CDH12: variants seen among roughly 807,000 people sequenced by gnomAD.
CDH12 encodes the protein cadherin-12.
Under a neutral mutation model 74.1 loss-of-function variants are expected in CDH12, and 41 were observed. That is an observed-to-expected ratio of 0.55 (90% CI 0.43 to 0.72). The LOEUF (loss-of-function observed/expected upper bound fraction) is 0.72. Among genes scored for constraint, CDH12 ranks in the 30% least tolerant of loss-of-function variants. The pLI is 0.00. For synonymous variants in CDH12, 399 were observed against 355.0 expected, an observed-to-expected ratio of 1.12 and a Z score of -1.39; for missense variants, 945 against 977.2, an observed-to-expected ratio of 0.97 and a Z score of 0.44.
intron 1 of CDH12, among the ~76,000 whole-genome samples, chr5:22,734,043 C>A (rs1415392143): frequency 6.6e-6 from 1 of 151,880 alleles, no homozygotes; most frequent in African/African-American, 2.4e-5. Context: ...TGGTATCTTG[C>A]CCCCTATGTC....
intron 13 of CDH12, among the ~76,000 whole-genome samples, chr5:21,758,437 T>TATC (rs371395573): frequency 2.1e-3 from 316 of 152,320 alleles, no homozygotes; most frequent in African/African-American, 7.3e-3. Flanking sequence ...CCTCTGATTC[T>TATC]ATCATCATCA....
chr5:22,174,228 T>C (rs138366556), intron 4 of CDH12, among the ~76,000 whole-genome samples: 8,514 of 152,006 alleles, frequency 0.056, 256 homozygotes, highest in Non-Finnish European at 0.062. Context: ...TTCATTACAC[T>C]AAACACATGC....
chr5:22,405,566 C>A (rs1042086759), intron 2 of CDH12, among the ~76,000 whole-genome samples: 1 of 152,160 alleles, frequency 6.6e-6, no homozygotes, highest in Non-Finnish European at 1.5e-5. Flanking sequence ...AAAAAGCCCA[C>A]ATCCTAATCA....
intron 2 of CDH12, among the ~76,000 whole-genome samples, chr5:22,477,428 T>A (rs115783671): frequency 6.6e-6 from 1 of 152,182 alleles, no homozygotes; most frequent in African/African-American, 2.4e-5. Context: ...CATTTTCTTT[T>A]ATGGCTGCGT....
chr5:22,294,093 T>C (rs1365668825), intron 3 of CDH12, among the ~76,000 whole-genome samples: 1 of 152,090 alleles, frequency 6.6e-6, no homozygotes. Context: ...CAAATACATA[T>C]AATTTTGTCA....
chr5:21,874,891 A>G (rs1433864394), intron 6 of CDH12, among the ~76,000 whole-genome samples: 1 of 152,140 alleles, frequency 6.6e-6, no homozygotes, highest in Non-Finnish European at 1.5e-5. Flanking sequence ...GCATGGCCCA[A>G]AGTTTCATTC....
At chr5:21,926,687 A>C (rs745310755) in intron 6 of CDH12, among the ~76,000 whole-genome samples, 2 of 152,194 alleles carry the variant, frequency 1.3e-5, no homozygotes, top group Non-Finnish European at 2.9e-5. Flanking sequence ...AGGAAGGAGG[A>C]AAGAAAAAGA....
At chr5:22,757,560 T>C (rs1745991963) in intron 1 of CDH12, among the ~76,000 whole-genome samples, 1 of 152,178 alleles carries the variant, frequency 6.6e-6, no homozygotes, top group South Asian at 2.1e-4. Flanking sequence ...TATTCAGATG[T>C]TTTCATTAAA....
chr5:22,715,544 T>C (rs1580919253), intron 1 of CDH12, among the ~76,000 whole-genome samples: 2 of 152,140 alleles, frequency 1.3e-5, no homozygotes, highest in East Asian at 3.9e-4. Flanking sequence ...AGCAAATACA[T>C]AGAAATACAT....
At chr5:22,262,478 G>T (rs1161694687) in intron 3 of CDH12, among the ~76,000 whole-genome samples, 1 of 151,636 alleles carries the variant, frequency 6.6e-6, no homozygotes, top group Non-Finnish European at 1.5e-5. Context: ...GTATTCCATG[G>T]TGTATATGTG....
intron 4 of CDH12, among the ~76,000 whole-genome samples, chr5:22,113,663 AG>A (rs1371089926): frequency 1.3e-5 from 2 of 152,112 alleles, no homozygotes; most frequent in Admixed American, 6.6e-5. Context: ...GGACTTCCTG[AG>A]GGCTGTGTCA....
chr5:21,974,697 T>G (rs1302697307), intron 6 of CDH12, among the ~76,000 whole-genome samples: 1 of 152,204 alleles, frequency 6.6e-6, no homozygotes, highest in Non-Finnish European at 1.5e-5. Flanking sequence ...ATGTGACACA[T>G]GCTTTAGATA....
At chr5:22,637,136 A>T (rs1738881891) in intron 1 of CDH12, among the ~76,000 whole-genome samples, 1 of 152,220 alleles carries the variant, frequency 6.6e-6, no homozygotes, top group South Asian at 2.1e-4. Context: ...ACATTAGTAA[A>T]TCCTTTAATG....
intron 8 of CDH12, among the ~76,000 whole-genome samples, chr5:21,825,637 C>T (rs1023523995): frequency 6.6e-6 from 1 of 152,158 alleles, no homozygotes; most frequent in South Asian, 2.1e-4. Context: ...CACAAGCAGC[C>T]TTACCCTGCT....
intron 3 of CDH12, among the ~76,000 whole-genome samples, chr5:22,381,742 C>T (rs1431370913): frequency 6.6e-6 from 1 of 151,202 alleles, no homozygotes; most frequent in Non-Finnish European, 1.5e-5. Context: ...TAAATTTTTA[C>T]TTTATTCTCT....
intron 1 of CDH12, among the ~76,000 whole-genome samples, chr5:22,843,613 GGTGTGTGTGTGT>G (rs3050972): frequency 1.4e-5 from 2 of 147,786 alleles, no homozygotes; most frequent in East Asian, 4.0e-4. Context: ...TAACATTTGT[GGTGTGTGTGTGT>G]GTGTGTGTGT....
At chr5:22,089,850 AT>A (rs1743308770) in intron 4 of CDH12, among the ~76,000 whole-genome samples, 2 of 123,498 alleles carry the variant, frequency 1.6e-5, no homozygotes, top group Admixed American at 7.5e-5. Flanking sequence ...GTATAGGGAA[AT>A]TTTAAAAAAA....
intron 1 of CDH12, among the ~76,000 whole-genome samples, chr5:22,640,448 T>A (rs1282040752): frequency 6.6e-6 from 1 of 152,208 alleles, no homozygotes; most frequent in Non-Finnish European, 1.5e-5. Flanking sequence ...TACGTTATCT[T>A]GTTTTTCTAA....
intron 1 of CDH12, among the ~76,000 whole-genome samples, chr5:22,634,406 C>G (rs1163809687): frequency 1.3e-5 from 2 of 151,878 alleles, no homozygotes; most frequent in Non-Finnish European, 2.9e-5. Flanking sequence ...AGTACCAGGT[C>G]AACAATAACC....
Sources: allele counts gnomAD v4.1 joint callset (sites outside exome capture counted in the v4.1 genomes callset), GRCh38; gene constraint gnomAD v4.1.1; transcripts MANE v1.5; gene names NCBI Gene and HGNC (gene_info 2026-07-23, HGNC 2026-07-21).